The following SLC25A48 variants were observed in gnomAD, a reference collection of about 807,000 sequenced individuals.
The protein encoded by SLC25A48 is solute carrier family 25 member 48.
In SLC25A48, 29 loss-of-function variants were observed where a neutral mutation model predicts 32.2. That is an observed-to-expected ratio of 0.90 (90% CI 0.67 to 1.23). The LOEUF is 1.23. Among genes scored for constraint, SLC25A48 ranks in the 50% most tolerant of loss-of-function variants. The pLI, the probability that SLC25A48 is intolerant of heterozygous loss-of-function variation, is 0.00. For synonymous variants in SLC25A48, 164 were observed against 172.3 expected (o/e 0.95, Z 0.38); for missense variants, 399 against 422.7 (o/e 0.94, Z 0.49).
chr5:135,709,917 C>A (rs1396421031), intron 3 of SLC25A48, among the ~76,000 whole-genome samples: 2 of 152,164 alleles, frequency 1.3e-5, no homozygotes, highest in African/African-American at 4.8e-5. Context: ...AATATTATCA[C>A]CTAGGTCGTT....
intron 3 of SLC25A48, among the ~76,000 whole-genome samples, chr5:135,660,623 A>G (rs576239644): frequency 6.6e-6 from 1 of 152,296 alleles, no homozygotes; most frequent in South Asian, 2.1e-4. Flanking sequence ...TGACTTCTCT[A>G]TGACTCAGGT....
At chr5:135,863,205 A>AC (rs1431639421) in intron 4 of SLC25A48, among the ~76,000 whole-genome samples, 1 of 152,036 alleles carries the variant, frequency 6.6e-6, no homozygotes, top group African/African-American at 2.4e-5. Context: ...GACAAGTGGA[A>AC]CCCCCCACAC....
intron 3 of SLC25A48, among the ~76,000 whole-genome samples, chr5:135,744,342 T>C (rs1450683952): frequency 1.4e-5 from 2 of 146,124 alleles, no homozygotes; most frequent in Non-Finnish European, 3.0e-5. Flanking sequence ...AAGGTAACTA[T>C]TTTTCTCTCC....
At chr5:135,693,107 T>C (rs1287079460) in intron 3 of SLC25A48, among the ~76,000 whole-genome samples, 1 of 152,210 alleles carries the variant, frequency 6.6e-6, no homozygotes, top group Non-Finnish European at 1.5e-5. Context: ...ATTCTATTTG[T>C]GAGTGGAATT....
intron 3 of SLC25A48, among the ~76,000 whole-genome samples, chr5:135,795,299 GGAT>G (rs1381334205): frequency 2.0e-5 from 3 of 151,784 alleles, no homozygotes; most frequent in Admixed American, 2.0e-4. Context: ...AGTGGGGAGA[GGAT>G]GATATTACTC....
intron 3 of SLC25A48, among the ~76,000 whole-genome samples, chr5:135,658,423 A>G (rs1357326759): frequency 6.6e-6 from 1 of 152,170 alleles, no homozygotes; most frequent in East Asian, 1.9e-4. Context: ...CTCCATCCCT[A>G]TGGCACTGCA....
chr5:135,612,317 A>T (rs1752092149), intron 1 of SLC25A48, among the ~76,000 whole-genome samples: 1 of 151,218 alleles, frequency 6.6e-6, no homozygotes, highest in Non-Finnish European at 1.5e-5. Context: ...GAATGCATAG[A>T]ATGTATAATG....
intron 3 of SLC25A48, among the ~76,000 whole-genome samples, chr5:135,737,168 C>T (rs1210871338): frequency 1.3e-5 from 2 of 151,884 alleles, no homozygotes; most frequent in Non-Finnish European, 2.9e-5. Context: ...TTGGTGCAGG[C>T]AGGCTGATCC....
chr5:135,859,485 C>A (rs889030463), intron 4 of SLC25A48, among the ~76,000 whole-genome samples: 1 of 152,168 alleles, frequency 6.6e-6, no homozygotes, highest in Non-Finnish European at 1.5e-5. Flanking sequence ...AGAGACACAG[C>A]CAAATCATAT....
At chr5:135,717,114 C>T (rs559096299) in intron 3 of SLC25A48, among the ~76,000 whole-genome samples, 1 of 152,288 alleles carries the variant, frequency 6.6e-6, no homozygotes, top group South Asian at 2.1e-4. Flanking sequence ...CAGTAGCTGT[C>T]CACCTTCGGG....
At chr5:135,710,683 C>T (rs1237839990) in intron 3 of SLC25A48, among the ~76,000 whole-genome samples, 2 of 152,188 alleles carry the variant, frequency 1.3e-5, no homozygotes, top group Admixed American at 1.3e-4. Context: ...TAGGAAAGGA[C>T]CTGGAAGAGA....
chr5:135,808,199 T>G (rs1317224634), intron 3 of SLC25A48, among the ~76,000 whole-genome samples: 1 of 150,612 alleles, frequency 6.6e-6, no homozygotes, highest in Non-Finnish European at 1.5e-5. Flanking sequence ...ATAAATATTA[T>G]AGATATTTTA....
At position 135,611,496 on chromosome 5, in the gene SLC25A48, C is replaced by CAAAAAAAAAAAAAAAAAAAAAAAAA. The variant is rs57138043; in HGVS notation, c.-848-17734_-848-17710dup. Among the ~76,000 whole-genome samples, 86 of 21,346 alleles carry CAAAAAAAAAAAAAAAAAAAAAAAAA rather than the reference C, an allele frequency of 4.0e-3. 1 individual carries two copies. Among genetic ancestry groups the CAAAAAAAAAAAAAAAAAAAAAAAAA allele is most frequent in the South Asian group, 5.9e-3 (1 of 170 alleles). 14.0% of individuals were successfully genotyped at this position (21,346 alleles called of 152,430 possible). On this transcript the variant is annotated intron_variant, in intron 1 of 10. Coordinates refer to the SLC25A48 transcript ENST00000646290. ...TCGGTGACAGAGCGAGACTCCATCT[C>CAAAAAAAAAAAAAAAAAAAAAAAAA]AAAAAAAAAAAAAAAAAAAAAAAAA...
At position 135,810,124 on chromosome 5, in the gene SLC25A48, C is replaced by T. The variant is rs577497145; in HGVS notation, c.-520-2399C>T. Among the ~76,000 whole-genome samples the T allele has an allele frequency of 7.4e-4, 112 of 152,320 alleles. 1 individual carries two copies. In the Middle Eastern group the frequency reaches 0.017, roughly 23 times the overall value. On this transcript the variant is annotated intron_variant, in intron 3 of 10. Coordinates refer to the SLC25A48 transcript ENST00000646290. ...AAGTGCTGAGATTACAGTTATGAGC[C>T]ACTGTGCTTTGCCTCAGATGGACCA... is the stretch of plus-strand genomic sequence containing the variant.
intron 3 of SLC25A48, among the ~76,000 whole-genome samples, chr5:135,761,198 A>G (rs183140742): frequency 2.0e-5 from 3 of 152,272 alleles, no homozygotes; most frequent in East Asian, 1.9e-4. Flanking sequence ...CTGTAGTCCC[A>G]GATATTCAGG....
At chr5:135,738,085 G>A (rs1298260343) in intron 3 of SLC25A48, among the ~76,000 whole-genome samples, 1 of 152,148 alleles carries the variant, frequency 6.6e-6, no homozygotes, top group Admixed American at 6.5e-5. Flanking sequence ...ATACTCTCAG[G>A]TTTCTAGCTA....
intron 1 of SLC25A48, among the ~76,000 whole-genome samples, chr5:135,837,988 C>G (rs1580951589): frequency 6.6e-6 from 1 of 152,162 alleles, no homozygotes; most frequent in Non-Finnish European, 1.5e-5. Context: ...CAGAAGAAGA[C>G]AGAAAAATGT....
chr5:135,802,183 C>T (rs1458722179), intron 3 of SLC25A48, among the ~76,000 whole-genome samples: 1 of 151,736 alleles, frequency 6.6e-6, no homozygotes. Context: ...CATATGACTA[C>T]ACCCTGTTAT....
intron 3 of SLC25A48, among the ~76,000 whole-genome samples, chr5:135,770,417 C>T (rs151144825): frequency 1.7e-3 from 263 of 151,536 alleles, no homozygotes; most frequent in African/African-American, 5.9e-3. Flanking sequence ...CTCCCAGTAT[C>T]GCAGGGGGTG....
Sources: allele counts gnomAD v4.1 joint callset (sites outside exome capture counted in the v4.1 genomes callset), GRCh38; gene constraint gnomAD v4.1.1; transcripts MANE v1.5; gene names NCBI Gene and HGNC (gene_info 2026-07-23, HGNC 2026-07-21).